The following FAT4 variants were observed in gnomAD, a reference collection of about 807,000 sequenced individuals.
FAT4 encodes FAT atypical cadherin 4.
A neutral mutation model predicts 303.9 loss-of-function variants in FAT4; 84 were observed. The ratio of observed to expected loss-of-function variants is 0.28; its 90% CI spans 0.23 to 0.33. The LOEUF (loss-of-function observed/expected upper bound fraction) is 0.33. Among genes scored for constraint, FAT4 ranks in the 10% least tolerant of loss-of-function variants. FAT4 has a pLI of 1.00. For missense variants in FAT4, 6,005 were observed against 6,146.8 expected (o/e 0.98, Z 0.77); for synonymous variants, 2,307 against 2,298.8 (o/e 1.00, Z -0.10).
chr4:125,403,970 T>C (rs1380535052), intron 3 of FAT4, among the ~76,000 whole-genome samples: 2 of 152,158 alleles, frequency 1.3e-5, no homozygotes, highest in Non-Finnish European at 2.9e-5. Flanking sequence ...TTAATTTCTT[T>C]TAAAATGGGC....
intron 17 of FAT4, among the ~76,000 whole-genome samples, chr4:125,489,463 A>G (rs895413476): frequency 1.3e-5 from 2 of 152,176 alleles, no homozygotes; most frequent in African/African-American, 4.8e-5. Context: ...ATCACCTTCA[A>G]TGGGAATGCA....
At position 125,353,773 on chromosome 4, in the gene FAT4, G is replaced by A. The variant is rs778347282; in HGVS notation, c.5175+32187G>A. Among the ~76,000 whole-genome samples, 32 of 151,592 alleles carry A rather than the reference G, an allele frequency of 2.1e-4. 1 individual carries two copies. Among genetic ancestry groups the A allele is most frequent in the Non-Finnish European group, 7.4e-5 (5 of 67,660 alleles). On this transcript the variant is annotated intron_variant, in intron 2 of 17. Coordinates refer to ENST00000394329, the MANE Select transcript of FAT4 (RefSeq NM_001291303.3). ...AGTGAACATTTGTTACATTTTAATCGTTAGAGTAAAATATTTAGTGACTGA... is the reference window on the plus strand; with the variant it reads ...AGTGAACATTTGTTACATTTTAATCATTAGAGTAAAATATTTAGTGACTGA...
intron 2 of FAT4, among the ~76,000 whole-genome samples, chr4:125,357,210 T>C (rs188077494): frequency 6.6e-6 from 1 of 152,090 alleles, no homozygotes; most frequent in Non-Finnish European, 1.5e-5. Flanking sequence ...GTTGAAACCT[T>C]TTAGGGAGTT....
chr4:125,443,787 G>C (rs1231394770), intron 8 of FAT4, among the ~76,000 whole-genome samples: 1 of 152,110 alleles, frequency 6.6e-6, no homozygotes, highest in African/African-American at 2.4e-5. Context: ...GGCCAGAGAA[G>C]CAAGAGAGGT....
rs192514171 is a variant in FAT4 at position 125,319,368 on chromosome 4, T to A, written c.2957T>A (p.Val986Asp). The change falls in exon 2 of 18, where the codon GTC becomes GAC. Residue 986 changes from valine to aspartate, a missense_variant. Coordinates refer to ENST00000394329, the MANE Select transcript of FAT4 (RefSeq NM_001291303.3). ...LSSSVILTVY[V>D]HDVNDNSPVF... Reference sequence around the variant, plus strand: ...TCTAGTGTCATCTTAACAGTTTATGTCCATGATGTAAATGACAATTCACCA... The same window carrying A: ...TCTAGTGTCATCTTAACAGTTTATGACCATGATGTAAATGACAATTCACCA... The A allele has an allele frequency of 2.6e-5, 42 of 1,612,748 alleles. No homozygotes were observed. In the East Asian group the frequency reaches 8.5e-4, roughly 33 times the overall value.
At chr4:125,487,898 A>G (rs2126093637) in intron 17 of FAT4, among the ~76,000 whole-genome samples, 1 of 152,278 alleles carries the variant, frequency 6.6e-6, no homozygotes, top group Admixed American at 6.5e-5. Context: ...TAGTGTTTTG[A>G]TGCTTTGCTT....
At chr4:125,410,137 T>C (rs1258084483) in intron 5 of FAT4, among the ~76,000 whole-genome samples, 1 of 152,100 alleles carries the variant, frequency 6.6e-6, no homozygotes, top group African/African-American at 2.4e-5. Flanking sequence ...AATACTTTCT[T>C]TAGAATTCAT....
chr4:125,368,535 TATATAA>T (rs1732976244), intron 2 of FAT4, among the ~76,000 whole-genome samples: 1 of 147,480 alleles, frequency 6.8e-6, no homozygotes. Flanking sequence ...TATATATATA[TATATAA>T]AAATCATATT....
In FAT4 at chr4:125,415,759, G is replaced by A; in HGVS notation, c.6796G>A (p.Val2266Ile). 1 of 1,613,762 alleles carries A rather than the reference G, an allele frequency of 6.2e-7. No individual in the cohort carries two copies. The change falls in exon 6 of 18, where the codon GTA (valine) becomes ATA (isoleucine). Residue 2266 changes from valine (V) to isoleucine (I), a missense_variant. Physicochemically the swap from Val to Ile is conservative, Grantham distance 29. Transcript: ENST00000394329. ...VPVFELSPYS[V>I]NVPENLGTLP... Reference sequence around the variant, plus strand: ...TGTATTTGAGCTATCTCCATATTCTGTAAATGTCCCTGAGAATTTAGGGAC... The same window carrying A: ...TGTATTTGAGCTATCTCCATATTCTATAAATGTCCCTGAGAATTTAGGGAC...
intron 13 of FAT4, 56 bp from the exon 14 acceptor site, chr4:125,477,099 A>T: frequency 7.9e-7 from 1 of 1,259,832 alleles, no homozygotes; most frequent in Non-Finnish European, 1.0e-6. Flanking sequence ...ACTAAACATT[A>T]TACTAAAAAT....
At chr4:125,489,809 G>A (rs979755039) in intron 17 of FAT4, 92 bp from the exon 18 acceptor site, 15 of 1,042,410 alleles carry the variant, frequency 1.4e-5, no homozygotes, top group Non-Finnish European at 1.5e-5. Context: ...TGATTGTGGA[G>A]CTTCTCTTTA....
At position 125,320,402 on chromosome 4, in the gene FAT4, G is replaced by T; in HGVS notation, c.3991G>T (p.Gly1331Cys). ...FVDVLENMRIGELVSSVTATD... is the reference protein window; with the variant it reads ...FVDVLENMRICELVSSVTATD... ...TGATGTTTTGGAAAACATGAGAATT[G>T]GTGAACTCGTGTCCTCTGTTACTGC... The change falls in exon 2 of 18, where the codon GGT becomes TGT. Residue 1331 changes from glycine to cysteine, a missense_variant. Coordinates refer to ENST00000394329, the MANE Select transcript of FAT4 (RefSeq NM_001291303.3). The T allele has an allele frequency of 6.2e-7, 1 of 1,613,954 alleles. No homozygotes were observed.
chr4:125,326,889 G>A (rs1390291460), intron 2 of FAT4, among the ~76,000 whole-genome samples: 1 of 152,048 alleles, frequency 6.6e-6, no homozygotes, highest in Non-Finnish European at 1.5e-5. Flanking sequence ...GCCGGGCATG[G>A]TGGTGCACGC....
Position 125,415,111 on chromosome 4 carries a change from A to G in FAT4, c.6148A>G (p.Thr2050Ala), listed in dbSNP as rs751891444. Residue 2050 changes from threonine (T) to alanine (A), a missense_variant, in exon 6 of 18, where the codon ACA becomes GCA. Coordinates refer to ENST00000394329, the MANE Select transcript of FAT4 (RefSeq NM_001291303.3). ...GTTGGATGTAAATGATAACCCACCG[A>G]CATTTCTTTCCCCTAAATTGACATA... Reference protein sequence around the residue: ...ILLDVNDNPPTFLSPKLTYIP... With the variant: ...ILLDVNDNPPAFLSPKLTYIP... 57 of 1,614,024 alleles carry G rather than the reference A, an allele frequency of 3.5e-5. 1 individual carries two copies. In the South Asian group the frequency reaches 5.1e-4, roughly 14 times the overall value.
chr4:125,381,702 A>G (rs1426023771), intron 2 of FAT4, among the ~76,000 whole-genome samples: 3 of 152,108 alleles, frequency 2.0e-5, no homozygotes, highest in Non-Finnish European at 4.4e-5. Flanking sequence ...ATAAGACAAC[A>G]ATGAAGTTTG....
At chr4:125,406,642 C>T (rs1366705295) in intron 3 of FAT4, among the ~76,000 whole-genome samples, 1 of 152,010 alleles carries the variant, frequency 6.6e-6, no homozygotes, top group Non-Finnish European at 1.5e-5. Flanking sequence ...GGATGTCTTT[C>T]CATTTGTTTG....
At chr4:125,474,362 G>A (rs1413001072) in intron 12 of FAT4, among the ~76,000 whole-genome samples, 1 of 151,932 alleles carries the variant, frequency 6.6e-6, no homozygotes, top group African/African-American at 2.4e-5. Context: ...AGCAGCAGAA[G>A]TTGAATTATA....
At chr4:125,440,607 G>GAGAGAGAGAC (rs1169833984) in intron 8 of FAT4, among the ~76,000 whole-genome samples, 1 of 82,212 alleles carries the variant, frequency 1.2e-5, no homozygotes, top group East Asian at 3.4e-4. Context: ...GTGTGTGTGT[G>GAGAGAGAGAC]TGTGAGAGAG....
At chr4:125,393,469 A>G (rs975373579) in intron 2 of FAT4, among the ~76,000 whole-genome samples, 1 of 152,168 alleles carries the variant, frequency 6.6e-6, no homozygotes, top group African/African-American at 2.4e-5. Context: ...GTTTGATATT[A>G]GCGATTGTTA....
Sources: gnomAD v4.1 joint callset for allele counts (sites outside exome capture counted in the v4.1 genomes callset) on GRCh38, gnomAD v4.1.1 for gene constraint, MANE v1.5 for transcripts, NCBI Gene and HGNC (gene_info 2026-07-23, HGNC 2026-07-21) for gene names.